The following LRMDA variants were observed in gnomAD, a reference collection of about 807,000 sequenced individuals.
The protein encoded by LRMDA is leucine-rich melanocyte differentiation-associated protein.
A neutral mutation model predicts 29.8 loss-of-function variants in LRMDA; 18 were observed. The observed-to-expected ratio is 0.60, with a 90% CI of 0.42 to 0.90. The LOEUF is 0.90. Among genes scored for constraint, LRMDA ranks in the 40% least tolerant of loss-of-function variants. The pLI is 0.00. For missense variants in LRMDA, 273 were observed against 273.9 expected, an observed-to-expected ratio of 1.00 and a Z score of 0.02; for synonymous variants, 125 against 109.4, an observed-to-expected ratio of 1.14 and a Z score of -0.89.
At chr10:76,169,985 A>C (rs2132191112) in intron 5 of LRMDA, among the ~76,000 whole-genome samples, 1 of 152,210 alleles carries the variant, frequency 6.6e-6, no homozygotes, top group African/African-American at 2.4e-5. Flanking sequence ...TCTCCAGTGA[A>C]GTTTCCTGTA....
intron 2 of LRMDA, among the ~76,000 whole-genome samples, chr10:75,523,894 A>T (rs1318312767): frequency 6.6e-6 from 1 of 152,126 alleles, no homozygotes; most frequent in East Asian, 1.9e-4. Flanking sequence ...GATAATTTTT[A>T]TATAGAAAAA....
intron 2 of LRMDA, among the ~76,000 whole-genome samples, chr10:75,570,318 C>G (rs571961544): frequency 1.3e-5 from 2 of 152,234 alleles, no homozygotes; most frequent in Non-Finnish European, 2.9e-5. Flanking sequence ...ACTTAAATAC[C>G]TTTATTGATG....
intron 6 of LRMDA, among the ~76,000 whole-genome samples, chr10:76,376,917 G>A (rs1436162202): frequency 5.9e-5 from 6 of 101,938 alleles, no homozygotes; most frequent in South Asian, 3.3e-4. Flanking sequence ...ACGTAGTCTC[G>A]CTCTGTTGCC....
At chr10:76,078,120 C>T (rs1013628481) in intron 5 of LRMDA, among the ~76,000 whole-genome samples, 1 of 145,074 alleles carries the variant, frequency 6.9e-6, no homozygotes, top group African/African-American at 2.5e-5. Context: ...AGGCTATTCT[C>T]CTGCCTCAGC....
At chr10:76,419,473 A>T (rs868106773) in intron 6 of LRMDA, among the ~76,000 whole-genome samples, 9 of 152,034 alleles carry the variant, frequency 5.9e-5, no homozygotes, top group African/African-American at 1.9e-4. Context: ...ACCACAATAT[A>T]TTTATCCATT....
At chr10:75,911,850 T>G (rs1845848057) in intron 2 of LRMDA, among the ~76,000 whole-genome samples, 1 of 152,230 alleles carries the variant, frequency 6.6e-6, no homozygotes, top group African/African-American at 2.4e-5. Flanking sequence ...TGAGGCTGAA[T>G]AAGTCCATGC....
intron 2 of LRMDA, among the ~76,000 whole-genome samples, chr10:76,019,184 A>T (rs865798215): frequency 6.6e-6 from 1 of 152,170 alleles, no homozygotes; most frequent in African/African-American, 2.4e-5. Context: ...AAATGCTAAT[A>T]TGGCTGTCAC....
intron 2 of LRMDA, among the ~76,000 whole-genome samples, chr10:75,944,019 T>C (rs543737088): frequency 6.6e-6 from 1 of 152,320 alleles, no homozygotes; most frequent in African/African-American, 2.4e-5. Context: ...CTTCATTCCT[T>C]TTTGTAGAAG....
intron 5 of LRMDA, among the ~76,000 whole-genome samples, chr10:76,176,073 T>C (rs540613922): frequency 6.6e-6 from 1 of 152,302 alleles, no homozygotes; most frequent in African/African-American, 2.4e-5. Context: ...CCTCCTATTT[T>C]GCCATTCATA....
intron 5 of LRMDA, among the ~76,000 whole-genome samples, chr10:76,294,389 C>T (rs1840387513): frequency 6.6e-6 from 1 of 152,110 alleles, no homozygotes; most frequent in Non-Finnish European, 1.5e-5. Context: ...TACCTTTATA[C>T]TGGTGAAGTC....
At chr10:76,495,942 G>T (rs1842877567) in intron 6 of LRMDA, among the ~76,000 whole-genome samples, 1 of 74,836 alleles carries the variant, frequency 1.3e-5, no homozygotes, top group African/African-American at 3.2e-5. Context: ...AGACAATTAT[G>T]CTGTCTTGTA....
At chr10:75,959,566 G>T (rs1433528645) in intron 2 of LRMDA, among the ~76,000 whole-genome samples, 4 of 152,034 alleles carry the variant, frequency 2.6e-5, no homozygotes, top group African/African-American at 9.7e-5. Flanking sequence ...CTTCAAGGGG[G>T]GTTTGCTGCC....
At chr10:75,584,435 C>T (rs1271893484) in intron 2 of LRMDA, among the ~76,000 whole-genome samples, 2 of 152,134 alleles carry the variant, frequency 1.3e-5, no homozygotes, top group Non-Finnish European at 2.9e-5. Context: ...AACATGACCA[C>T]CTTCAGGAAA....
At chr10:76,163,385 A>G (rs1850682174) in intron 5 of LRMDA, among the ~76,000 whole-genome samples, 1 of 152,186 alleles carries the variant, frequency 6.6e-6, no homozygotes, top group African/African-American at 2.4e-5. Flanking sequence ...AATCCTGCTT[A>G]ACATGAGTCC....
intron 2 of LRMDA, among the ~76,000 whole-genome samples, chr10:75,593,150 C>T (rs1405873905): frequency 1.3e-5 from 2 of 152,220 alleles, no homozygotes; most frequent in African/African-American, 4.8e-5. Context: ...ATTCCCTCCC[C>T]CATCCCAACG....
chr10:76,554,884 T>TGTGTGTGTGTGTGTGTG, intron 6 of LRMDA, among the ~76,000 whole-genome samples: 1 of 149,930 alleles, frequency 6.7e-6, no homozygotes, highest in African/African-American at 2.4e-5. Context: ...TGTGTGTGTG[T>TGTGTGTGTGTGTGTGTG]GTGTGTGTGT....
rs892397300 is a variant in LRMDA, at chr10:75,692,913, G to A, written c.131+254419G>A. Among the ~76,000 whole-genome samples, 3 of 151,790 alleles carry A rather than the reference G, an allele frequency of 2.0e-5. No homozygotes were observed. In the East Asian group the frequency reaches 5.8e-4, roughly 29 times the overall value. ...CAAGTGATGCATGATTTTATGGCTTGGGATCATCTGCTTTGATTCTAGCAT... is the reference window on the plus strand; with the variant it reads ...CAAGTGATGCATGATTTTATGGCTTAGGATCATCTGCTTTGATTCTAGCAT... On this transcript the variant is annotated intron_variant, in intron 2 of 6. Coordinates refer to ENST00000611255, the MANE Select transcript of LRMDA (RefSeq NM_001305581.2).
intron 5 of LRMDA, among the ~76,000 whole-genome samples, chr10:76,301,105 C>G (rs1454638112): frequency 1.3e-5 from 2 of 151,988 alleles, no homozygotes; most frequent in Non-Finnish European, 2.9e-5. Flanking sequence ...ATAGCCCTGC[C>G]CTCAGTTATA....
At chr10:75,909,909 A>G (rs1001935270) in intron 2 of LRMDA, among the ~76,000 whole-genome samples, 3 of 152,220 alleles carry the variant, frequency 2.0e-5, no homozygotes, top group Admixed American at 2.0e-4. Context: ...AAACGACTTC[A>G]ATGTGTAGGG....
Sources: allele counts gnomAD v4.1 joint callset (sites outside exome capture counted in the v4.1 genomes callset), GRCh38; gene constraint gnomAD v4.1.1; transcripts MANE v1.5; gene names NCBI Gene and HGNC (gene_info 2026-07-23, HGNC 2026-07-21).